Variants in SYTL5 observed in about 807,000 individuals in gnomAD.
SYTL5 encodes the protein synaptotagmin like 5, also known as synaptotagmin-like protein 5.
SYTL5 carries 34 observed loss-of-function variants against 55.9 expected under a neutral mutation model. That is an observed-to-expected ratio of 0.61 (90% CI 0.46 to 0.81). The LOEUF (loss-of-function observed/expected upper bound fraction) is 0.81. Among genes scored for constraint, SYTL5 ranks in the 30% least tolerant of loss-of-function variants. The pLI, the probability that SYTL5 is intolerant of heterozygous loss-of-function variation, is 0.00. For missense variants in SYTL5, 637 were observed against 546.7 expected, an observed-to-expected ratio of 1.17 and a Z score of -1.65; for synonymous variants, 221 against 188.7, an observed-to-expected ratio of 1.17 and a Z score of -1.40.
At chrX:38,033,476 A>T (rs777746294) in intron 1 of SYTL5, 58 bp from the exon 2 acceptor site, 84 of 113,472 alleles carry the variant, frequency 7.4e-4, no homozygotes, top group African/African-American at 2.7e-3. Context: ...TACAAGTGCT[A>T]TGGGAAAAAT....
At chrX:37,935,655 T>A in the SYTL5 span, among the ~76,000 whole-genome samples, 1 of 112,082 alleles carries the variant, frequency 8.9e-6, no homozygotes, top group Non-Finnish European at 1.9e-5. Context: ...TATGTTGTAA[T>A]TAAATTGGCA....
chrX:37,995,410 C>T, the SYTL5 span, among the ~76,000 whole-genome samples: 1 of 111,988 alleles, frequency 8.9e-6, no homozygotes, highest in Admixed American at 9.4e-5. Flanking sequence ...ATATGCTTGT[C>T]TGAATCCCAG....
intron 13 of SYTL5, among the ~76,000 whole-genome samples, chrX:38,115,441 G>A (rs541104002): frequency 1.3e-5 from 1 of 77,764 alleles, no homozygotes; most frequent in South Asian, 7.4e-4. Flanking sequence ...CCGAGATCGC[G>A]CCACTGCACT....
At chrX:37,966,354 A>AATGTAT in the SYTL5 span, among the ~76,000 whole-genome samples, 2 of 110,834 alleles carry the variant, frequency 1.8e-5, no homozygotes, top group Non-Finnish European at 3.8e-5. Context: ...AAGCAGATGA[A>AATGTAT]ATGTATATCA....
At chrX:38,083,774 A>ATGTGTGTGTGTGTGTGTG (rs3068306) in intron 6 of SYTL5, among the ~76,000 whole-genome samples, 99 of 94,336 alleles carry the variant, frequency 1.0e-3, no homozygotes, top group African/African-American at 3.8e-3. Flanking sequence ...AAATAGACTC[A>ATGTGTGTGTGTGTGTGTG]TGTGTGTGTG....
chrX:38,058,766 A>T (rs1350238484), intron 3 of SYTL5, among the ~76,000 whole-genome samples: 1 of 110,916 alleles, frequency 9.0e-6, no homozygotes, highest in Non-Finnish European at 1.9e-5. Context: ...TAACAAACCT[A>T]TGTCTGATTT....
In SYTL5 at chrX:38,041,693, G is replaced by A. The variant is rs771690622; in HGVS notation, c.119+7685G>A. On this transcript the variant is annotated intron_variant, in intron 2 of 16. Coordinates refer to ENST00000297875, the MANE Select transcript of SYTL5 (RefSeq NM_138780.3). ...AACTAACTTTAATTTTGATTCTAGA[G>A]CATTTTTCTCCGAGGAAGCGTTACT... Among the ~76,000 whole-genome samples the A allele has an allele frequency of 5.3e-5, 6 of 112,245 alleles. No individual in the cohort carries two copies. The East Asian group carries it at 1.7e-3, about 31-fold the overall frequency.
intron 1 of SYTL5, among the ~76,000 whole-genome samples, chrX:38,008,052 T>C (rs887913644): frequency 9.0e-5 from 10 of 111,504 alleles, no homozygotes; most frequent in African/African-American, 3.3e-4. Flanking sequence ...TTGTTGAAAT[T>C]ACTTCCTTAT....
chrX:38,084,812 G>A (rs1457893293), intron 6 of SYTL5, among the ~76,000 whole-genome samples: 1 of 111,581 alleles, frequency 9.0e-6, no homozygotes, highest in East Asian at 2.8e-4. Context: ...GAACATGGAA[G>A]CAGTATAGAC....
intron 11 of SYTL5, 83 bp from the exon 12 acceptor site, chrX:38,108,517 C>T: frequency 1.4e-6 from 1 of 714,743 alleles, no homozygotes; most frequent in Non-Finnish European, 2.1e-6. Flanking sequence ...GCCCTTTGCC[C>T]CTTTTATTCA....
chrX:37,993,078 A>G, the SYTL5 span, among the ~76,000 whole-genome samples: 510 of 111,921 alleles, frequency 4.6e-3, 3 homozygotes, highest in African/African-American at 0.015. Flanking sequence ...ACAAATGGAC[A>G]AAAGACTGTC....
chrX:37,979,009 G>T, the SYTL5 span, among the ~76,000 whole-genome samples: 4 of 111,500 alleles, frequency 3.6e-5, no homozygotes, highest in Non-Finnish European at 5.7e-5. Context: ...AACACAAATT[G>T]TAAGTGAAAT....
chrX:38,117,786 T>C (rs1343072177), intron 13 of SYTL5, among the ~76,000 whole-genome samples: 1 of 111,969 alleles, frequency 8.9e-6, no homozygotes, highest in African/African-American at 3.2e-5. Flanking sequence ...ACATGCGGCT[T>C]CTCTCTGTGG....
intron 1 of SYTL5, among the ~76,000 whole-genome samples, chrX:38,023,379 C>G: frequency 8.9e-6 from 1 of 112,037 alleles, no homozygotes; most frequent in Non-Finnish European, 1.9e-5. Context: ...TACATGAATA[C>G]ATCCAAAATA....
intron 13 of SYTL5, among the ~76,000 whole-genome samples, chrX:38,112,997 G>A (rs763458945): frequency 8.9e-6 from 1 of 112,286 alleles, no homozygotes; most frequent in African/African-American, 3.2e-5. Flanking sequence ...TGCACTAGGA[G>A]TTCCAGAACG....
chrX:37,985,989 G>T, the SYTL5 span, among the ~76,000 whole-genome samples: 1 of 110,748 alleles, frequency 9.0e-6, no homozygotes, highest in East Asian at 2.8e-4. Context: ...CCTTACCTTA[G>T]ACTATATAAA....
chrX:38,048,142 C>T (rs1187000712), intron 2 of SYTL5, among the ~76,000 whole-genome samples: 7 of 109,698 alleles, frequency 6.4e-5, no homozygotes, highest in Admixed American at 9.7e-5. Context: ...GCTGAGATCA[C>T]GCCACTGCAC....
At chrX:37,920,925 A>G in the SYTL5 span, among the ~76,000 whole-genome samples, 2 of 111,357 alleles carry the variant, frequency 1.8e-5, no homozygotes, top group Non-Finnish European at 3.8e-5. Context: ...TACTGACTTC[A>G]TTCTTATTCT....
chrX:37,914,636 T>C, the SYTL5 span, among the ~76,000 whole-genome samples: 1 of 111,780 alleles, frequency 8.9e-6, no homozygotes, highest in South Asian at 3.8e-4. Flanking sequence ...ACATTGATGA[T>C]GTTCTGGGTC....
Sources: allele counts gnomAD v4.1 joint callset (sites outside exome capture counted in the v4.1 genomes callset), GRCh38; gene constraint gnomAD v4.1.1; transcripts MANE v1.5; gene names NCBI Gene and HGNC (gene_info 2026-07-23, HGNC 2026-07-21).